The following ANO2 variants were observed in gnomAD, a reference collection of about 807,000 sequenced individuals.
ANO2 encodes the protein anoctamin-2.
ANO2 carries 101 observed loss-of-function variants against 124.2 expected under a neutral mutation model. That is an observed-to-expected ratio of 0.81 (90% CI 0.69 to 0.96). The LOEUF is 0.96. ANO2 is among the 40% of genes least tolerant of loss of function. The pLI, the probability that ANO2 is intolerant of heterozygous loss-of-function variation, is 0.00. For synonymous variants in ANO2, 486 were observed against 482.5 expected (o/e 1.01, Z -0.09); for missense variants, 1,293 against 1,274.5 (o/e 1.01, Z -0.22).
Position 5,658,139 on chromosome 12 carries a change from C to T in ANO2, c.1546-10338G>A, listed in dbSNP as rs1377744413. Among the ~76,000 whole-genome samples, 1 of 152,166 alleles carries T rather than the reference C, an allele frequency of 6.6e-6. No individual in the cohort carries two copies. The highest frequency in any genetic ancestry group is 1.5e-5 in the Non-Finnish European group (1 of 68,034). ...TGTCCTGGGAATACTGCAGTATGGT[C>T]TAGCCTGGAGGTGGCTGCCTGGGTT... On this transcript the variant is annotated intron_variant, in intron 14 of 24. Coordinates refer to ENST00000682330, the MANE Select transcript of ANO2 (RefSeq NM_001364791.2). This position sits in a 1 kb window ranked among gnomAD's most constrained non-coding sequence, Gnocchi z 4.3.
At chr12:5,815,280 G>A (rs11063876) in intron 7 of ANO2, among the ~76,000 whole-genome samples, 46,618 of 152,066 alleles carry the variant, frequency 0.31, 7,486 homozygotes, top group Middle Eastern at 0.38. Context: ...ACTGCAAAGT[G>A]AAACTGAGAT....
At chr12:5,830,097 G>A (rs1249759562) in intron 6 of ANO2, among the ~76,000 whole-genome samples, 1 of 152,110 alleles carries the variant, frequency 6.6e-6, no homozygotes, top group East Asian at 1.9e-4. Context: ...TCAATGCATT[G>A]CTTCTCAGAG....
intron 10 of ANO2, among the ~76,000 whole-genome samples, chr12:5,758,298 G>A (rs1020224341): frequency 1.3e-5 from 2 of 152,124 alleles, no homozygotes; most frequent in Admixed American, 1.3e-4. Context: ...TACCAGTAAA[G>A]GACAGAGTTT....
intron 11 of ANO2, 84 bp downstream of exon 11, chr12:5,750,752 G>A (rs190544622): frequency 1.5e-6 from 2 of 1,376,588 alleles, no homozygotes. Context: ...TTGGAAAGAG[G>A]CATGTGAAAT....
chr12:5,797,535 C>T (rs909379132), intron 10 of ANO2, among the ~76,000 whole-genome samples: 4 of 152,182 alleles, frequency 2.6e-5, no homozygotes, highest in African/African-American at 9.7e-5. Context: ...TTTCTCTCTA[C>T]AAGTTCTCCA....
intron 17 of ANO2, among the ~76,000 whole-genome samples, chr12:5,614,974 G>T (rs975881772): frequency 1.8e-4 from 28 of 152,222 alleles, no homozygotes; most frequent in African/African-American, 6.3e-4. Flanking sequence ...CCAAATCCCT[G>T]TAAAGTGCCA....
chr12:5,871,593 C>T (rs1380177593), intron 3 of ANO2, among the ~76,000 whole-genome samples: 4 of 152,112 alleles, frequency 2.6e-5, no homozygotes, highest in African/African-American at 4.8e-5. Flanking sequence ...GATCTGTGCA[C>T]GCAAGGGATC....
intron 14 of ANO2, among the ~76,000 whole-genome samples, chr12:5,716,553 G>A (rs4930751): frequency 0.99 from 151,273 of 152,354 alleles, 75,117 homozygotes; most frequent in Middle Eastern, 1. Context: ...TTTCCATGCT[G>A]AGAAGTGCAA....
At position 5,565,659 on chromosome 12, in the gene ANO2, T is replaced by C. The variant is rs1198217129; in HGVS notation, c.2626A>G (p.Lys876Glu). The C allele has an allele frequency of 1.9e-6, 3 of 1,590,446 alleles. No individual in the cohort carries two copies. In the South Asian group the frequency reaches 3.4e-5, roughly 18 times the overall value. Residue 876 changes from lysine to glutamate, a missense_variant, in exon 24 of 25, where the codon AAG becomes GAG. By Grantham distance (56) the Lys-to-Glu change is moderately conservative (BLOSUM62 1). Coordinates refer to ENST00000682330, the MANE Select transcript of ANO2 (RefSeq NM_001364791.2). ...FDQEVQFCRF[K>E]DYREPPWAPN... Reference sequence around the variant, plus strand: ...GCCCATGGCGGCTCTCGGTAATCCTTAAACCTGCCCAAAGAGAAATGTGGT... The same window carrying C: ...GCCCATGGCGGCTCTCGGTAATCCTCAAACCTGCCCAAAGAGAAATGTGGT...
intron 3 of ANO2, among the ~76,000 whole-genome samples, chr12:5,859,146 C>T (rs1955192326): frequency 6.6e-6 from 1 of 152,208 alleles, no homozygotes; most frequent in Non-Finnish European, 1.5e-5. Context: ...ACTGGAGGGG[C>T]TCCCAAATCT....
chr12:5,855,435 A>G (rs1955068858), intron 3 of ANO2, among the ~76,000 whole-genome samples: 1 of 152,182 alleles, frequency 6.6e-6, no homozygotes, highest in East Asian at 1.9e-4. Context: ...CAGCTCCAAA[A>G]TATGTTCAGT....
At chr12:5,616,420 T>C (rs867391535) in intron 16 of ANO2, among the ~76,000 whole-genome samples, 4 of 152,174 alleles carry the variant, frequency 2.6e-5, no homozygotes, top group Non-Finnish European at 5.9e-5. Context: ...TCACCTCCCA[T>C]ACACCACACC....
chr12:5,825,013 G>A (rs1953913963), intron 7 of ANO2, among the ~76,000 whole-genome samples: 1 of 152,176 alleles, frequency 6.6e-6, no homozygotes. Flanking sequence ...CACAACATGT[G>A]GAAATTCTGG....
At chr12:5,782,545 G>A (rs1347988354) in intron 10 of ANO2, among the ~76,000 whole-genome samples, 2 of 152,024 alleles carry the variant, frequency 1.3e-5, no homozygotes, top group Non-Finnish European at 2.9e-5. Flanking sequence ...CCTGCCTATT[G>A]TCTAACATCT....
chr12:5,878,380 T>C (rs930150713), intron 3 of ANO2, among the ~76,000 whole-genome samples: 2 of 152,212 alleles, frequency 1.3e-5, no homozygotes, highest in Admixed American at 1.3e-4. Context: ...ACTTAAGTGC[T>C]TTTCCATAAT....
At chr12:5,696,072 A>G (rs780512053) in intron 14 of ANO2, among the ~76,000 whole-genome samples, 3 of 152,174 alleles carry the variant, frequency 2.0e-5, no homozygotes, top group Admixed American at 6.5e-5. Flanking sequence ...TCTGCAAATT[A>G]ATGAGTTAAA....
intron 14 of ANO2, among the ~76,000 whole-genome samples, chr12:5,716,270 G>A (rs981273064): frequency 6.6e-6 from 1 of 152,186 alleles, no homozygotes; most frequent in African/African-American, 2.4e-5. Context: ...TGAGCCAAAA[G>A]GTGGCCAGAT....
At chr12:5,907,919 A>G (rs1259960835) in intron 3 of ANO2, among the ~76,000 whole-genome samples, 1 of 152,252 alleles carries the variant, frequency 6.6e-6, no homozygotes, top group Non-Finnish European at 1.5e-5. Context: ...TGATGCTCTC[A>G]GCCTTCAGCA....
chr12:5,651,842 T>C (rs1172660670), intron 14 of ANO2, among the ~76,000 whole-genome samples: 1 of 152,184 alleles, frequency 6.6e-6, no homozygotes, highest in Non-Finnish European at 1.5e-5. Flanking sequence ...ATTCATAGAG[T>C]ATGCAGGCTG....
Sources: allele counts gnomAD v4.1 joint callset (sites outside exome capture counted in the v4.1 genomes callset), GRCh38; gene constraint gnomAD v4.1.1; non-coding constraint Gnocchi (gnomAD v3.1); transcripts MANE v1.5; gene names NCBI Gene and HGNC (gene_info 2026-07-23, HGNC 2026-07-21).